Variants in UNC13A observed in about 807,000 individuals in gnomAD.
The protein encoded by UNC13A is unc-13 homolog A.
In UNC13A, 61 loss-of-function variants were observed where a neutral mutation model predicts 219.7. The ratio of observed to expected loss-of-function variants is 0.28; its 90% CI spans 0.23 to 0.34. The LOEUF (loss-of-function observed/expected upper bound fraction) is 0.34, where lower values mean the gene tolerates loss of function less well. Ranked by LOEUF, UNC13A falls within the 10% of genes least tolerant of loss-of-function variation. The pLI is 1.00. For synonymous variants in UNC13A, 920 were observed against 884.6 expected (o/e 1.04, Z -0.71); for missense variants, 1,476 against 2,270.3 (o/e 0.65, Z 7.11).
chr19:17,666,766 G>C, intron 6 of UNC13A, 62 bp from the exon 7 acceptor site: 1 of 1,352,790 alleles, frequency 7.4e-7, no homozygotes, highest in South Asian at 1.7e-5. Flanking sequence ...AGGGGACCAG[G>C]ATAGTCCTCT....
rs1568508127 is a variant in UNC13A, at chr19:17,624,929, C to T, written c.4097G>A (p.Cys1366Tyr). Reference protein sequence around the residue: ...DSNLTLFAKICEKTVLKRVLK... With the variant: ...DSNLTLFAKIYEKTVLKRVLK... ...CACTCGCTTCAGCACAGTCTTCTCA[C>T]AGATTTTGGCAAAGAGGGTCAGGCT... is the stretch of plus-strand genomic sequence containing the variant. Residue 1366 changes from cysteine to tyrosine, a missense_variant, in exon 35 of 44, where the codon TGT (cysteine) becomes TAT (tyrosine). Around this residue, in one of 14 missense-constraint regions of UNC13A, gnomAD observed 5 missense variants for 31.3 expected, o/e 0.16. Transcript: ENST00000519716. 1 of 1,613,706 alleles carries T rather than the reference C, an allele frequency of 6.2e-7. No individual in the cohort carries two copies. The highest frequency in any genetic ancestry group is 8.5e-7 in the Non-Finnish European group (1 of 1,179,658).
intron 26 of UNC13A, among the ~76,000 whole-genome samples, chr19:17,635,699 G>C (rs775409511): frequency 1.2e-4 from 18 of 152,072 alleles, no homozygotes; most frequent in Admixed American, 2.0e-4. Flanking sequence ...GTAGCACATA[G>C]TAATACTTGA....
intron 7 of UNC13A, 101 bp downstream of exon 7, chr19:17,666,549 T>C (rs1445806062): frequency 7.8e-6 from 7 of 898,246 alleles, no homozygotes; most frequent in Non-Finnish European, 1.1e-5. Context: ...TCTCAGGACT[T>C]GTATCTCCGG....
intron 37 of UNC13A, 125 bp downstream of exon 37, chr19:17,621,707 G>A: frequency 2.2e-6 from 2 of 911,994 alleles, no homozygotes; most frequent in Non-Finnish European, 3.5e-6. Context: ...GACTTGGTTA[G>A]GAGAGCTATC....
In UNC13A at chr19:17,602,358, G is replaced by A. The variant is rs1467389047; in HGVS notation, c.*3696C>T. On this transcript the variant is annotated 3_prime_UTR_variant, in exon 44 of 44. Coordinates refer to ENST00000519716, the MANE Select transcript of UNC13A (RefSeq NM_001080421.3). ...TCATCGGGGCGTGATCTCACCCTCT[G>A]TCTCTGTGTTTTCTACTCTATTCCT... 4 of 152,266 alleles carry A rather than the reference G, an allele frequency of 2.6e-5. No individual in the cohort carries two copies. The East Asian group carries it at 5.8e-4, about 22-fold the overall frequency. 9.4% of individuals were successfully genotyped at this position (152,266 alleles called of 1,614,324 possible). A position where few individuals can be genotyped will look rare whatever the true frequency, so the allele number is the denominator to read the frequency against.
chr19:17,627,007 C>T lies in UNC13A; in HGVS notation c.3921-222G>A, dbSNP rs542478904. Among the ~76,000 whole-genome samples, 1 of 152,282 alleles carries T rather than the reference C, an allele frequency of 6.6e-6. No individual in the cohort carries two copies. The highest frequency in any genetic ancestry group is 2.1e-4 in the South Asian group (1 of 4,822). On this transcript the variant is annotated intron_variant, in intron 33 of 43. Coordinates refer to ENST00000519716, the MANE Select transcript of UNC13A (RefSeq NM_001080421.3). The surrounding 1 kb of genome is among the most constrained non-coding windows in gnomAD (Gnocchi z 4.7). ...AAGAGATCGAGACCACCCTGGCCAA[C>T]ATGGTGAAACCCTGTCTCTACTAAA...
At chr19:17,660,272 T>G (rs756929564) in intron 8 of UNC13A, among the ~76,000 whole-genome samples, 1 of 140,098 alleles carries the variant, frequency 7.1e-6, no homozygotes, top group African/African-American at 3.0e-5. Context: ...GCTGTGCACA[T>G]GTTTACCCAG....
intron 26 of UNC13A, among the ~76,000 whole-genome samples, chr19:17,634,426 C>G (rs1486052945): frequency 6.6e-6 from 1 of 152,016 alleles, no homozygotes; most frequent in Non-Finnish European, 1.5e-5. Context: ...GCAACCTCCA[C>G]CACCCGGGCT....
At position 17,627,228 on chromosome 19, in the gene UNC13A, C is replaced by T. The variant is rs913209884; in HGVS notation, c.3920+281G>A. The stretch of plus-strand genomic sequence containing the variant: ...CAGGCAAAGGGATAAGACATTTGCC[C>T]GCATTGTTCATTTCATTCTCAAAAT... On this transcript the variant is annotated intron_variant, in intron 33 of 43. Transcript: ENST00000519716. The surrounding 1 kb of genome is among the most constrained non-coding windows in gnomAD (Gnocchi z 4.7). Among the ~76,000 whole-genome samples, 6 of 152,156 alleles carry T rather than the reference C, an allele frequency of 3.9e-5. No individual in the cohort carries two copies. Among genetic ancestry groups the T allele is most frequent in the South Asian group, 4.2e-4 (2 of 4,808 alleles).
At chr19:17,676,114 G>T in intron 1 of UNC13A, 73 bp from the exon 2 acceptor site, 2 of 1,460,260 alleles carry the variant, frequency 1.4e-6, no homozygotes, top group Non-Finnish European at 1.9e-6. Flanking sequence ...GATACGGAGA[G>T]ATTCAGAGAC....
intron 11 of UNC13A, among the ~76,000 whole-genome samples, chr19:17,654,049 G>A (rs1405527818): frequency 5.3e-5 from 8 of 151,108 alleles, no homozygotes; most frequent in East Asian, 3.9e-4. Flanking sequence ...GGATGGTCTC[G>A]ATCTCCTGAC....
At chr19:17,641,252 C>T in intron 21 of UNC13A, 141 bp downstream of exon 21, 1 of 1,037,444 alleles carries the variant, frequency 9.6e-7, no homozygotes, top group Non-Finnish European at 1.4e-6. Context: ...CTCCTGATCT[C>T]CAGGGGAATT....
In UNC13A at chr19:17,627,532, C is replaced by T. The variant is rs759583825; in HGVS notation, c.3897G>A (p.Glu1299=). The change falls in exon 33 of 44, where the codon GAG becomes GAA. Residue 1299 remains glutamate, a synonymous_variant. Transcript: ENST00000519716. The surrounding 1 kb of genome is among the most constrained non-coding windows in gnomAD (Gnocchi z 4.7). ...ACCTGGTAGCAAACACCCGGCTGAG[C>T]TCATCCAAGACGTTATTGAGTTTCA... ...LQVKLNNVLD[E]LSRVFATSFQ... is the part of the protein sequence containing the mutation. 1.9e-5 allele frequency: 30 copies of T among 1,562,118 alleles called. No homozygotes were observed. The highest frequency in any genetic ancestry group is 2.3e-5 in the Non-Finnish European group (27 of 1,152,630).
At chr19:17,678,722 C>T (rs919990921) in intron 1 of UNC13A, among the ~76,000 whole-genome samples, 14 of 151,966 alleles carry the variant, frequency 9.2e-5, no homozygotes, top group South Asian at 6.2e-4. Flanking sequence ...GGCCTGGCTC[C>T]TGGAGGAGGT....
chr19:17,645,145 A>T (rs1023055295), intron 19 of UNC13A, among the ~76,000 whole-genome samples: 13 of 151,120 alleles, frequency 8.6e-5, no homozygotes, highest in African/African-American at 2.7e-4. Context: ...AGTAGCTGGG[A>T]CTACAGGCAC....
At chr19:17,631,703 G>T (rs1322755888) in intron 28 of UNC13A, among the ~76,000 whole-genome samples, 10 of 152,008 alleles carry the variant, frequency 6.6e-5, no homozygotes, top group African/African-American at 1.4e-4. Flanking sequence ...GAGTCACCGT[G>T]GGCAAGGAAT....
chr19:17,655,345 GC>G lies in UNC13A; in HGVS notation c.1320del (p.Gln441ArgfsTer63). ...RPREDEEGQE[G>X]QDSMSRAKAN... ...GCCTTGGCCCTGGACATGGAGTCCT[GC>G]CCCTCCTGGCCTTCCTCATCCTCTC... On this transcript the variant is annotated frameshift_variant, in exon 11 of 44. Coordinates refer to ENST00000519716, the MANE Select transcript of UNC13A (RefSeq NM_001080421.3). LOFTEE classifies it high-confidence loss of function. 1 of 1,590,066 alleles carries G rather than the reference GC, an allele frequency of 6.3e-7. No homozygotes were observed.
chr19:17,604,799 G>C lies in UNC13A; in HGVS notation c.*1255C>G, dbSNP rs1050774163. The C allele has an allele frequency of 3.3e-5, 5 of 152,274 alleles. No homozygotes were observed. The highest frequency in any genetic ancestry group is 5.9e-5 in the Non-Finnish European group (4 of 68,064). 9.4% of individuals were successfully genotyped at this position (152,274 alleles called of 1,614,324 possible). A position where few individuals can be genotyped will look rare whatever the true frequency, so the allele number is the denominator to read the frequency against. On this transcript the variant is annotated 3_prime_UTR_variant, in exon 44 of 44. Transcript: ENST00000519716. ...CCATCTGAGGTATCCTGTGGCTTGG[G>C]TGTTTGAATCAATGAATAGGCTCTT...
At position 17,611,362 on chromosome 19, in the gene UNC13A, T is replaced by G. The variant is rs182330673; in HGVS notation, c.4651+401A>C. Among the ~76,000 whole-genome samples, 13 of 152,210 alleles carry G rather than the reference T, an allele frequency of 8.5e-5. No homozygotes were observed. The East Asian group carries it at 2.1e-3, about 25-fold the overall frequency. ...CCACACCCAGCTACTTTTTGAATTT[T>G]TAGTAGAAACAGGGTTTCACCATGT... On this transcript the variant is annotated intron_variant, in intron 42 of 43. Transcript: ENST00000519716.
Sources: allele counts gnomAD v4.1 joint callset (sites outside exome capture counted in the v4.1 genomes callset), GRCh38; gene constraint gnomAD v4.1.1; regional missense constraint gnomAD v4.1.1; non-coding constraint Gnocchi (gnomAD v3.1); transcripts MANE v1.5; gene names NCBI Gene and HGNC (gene_info 2026-07-23, HGNC 2026-07-21).